Variants in PPIG observed in about 807,000 individuals in gnomAD.
The protein encoded by PPIG is peptidyl-prolyl cis-trans isomerase G.
Under a neutral mutation model 87.9 loss-of-function variants are expected in PPIG, and 26 were observed. The ratio of observed to expected loss-of-function variants is 0.30; its 90% confidence interval spans 0.22 to 0.41. The LOEUF (loss-of-function observed/expected upper bound fraction) is 0.41, where lower values mean the gene tolerates loss of function less well. Ranked by LOEUF, PPIG falls within the 10% of genes least tolerant of loss-of-function variation. The pLI, the probability that PPIG is intolerant of heterozygous loss-of-function variation, is 1.00. For synonymous variants in PPIG, 308 were observed against 276.5 expected, an observed-to-expected ratio of 1.11 and a Z score of -1.13; for missense variants, 722 against 879.4, an observed-to-expected ratio of 0.82 and a Z score of 2.26.
In PPIG at chr2:169,639,546, T is replaced by A. The variant is rs1016642238; in HGVS notation, c.*2023T>A. 6.6e-6 allele frequency: 1 copy of A among 151,972 alleles called. No individual in the cohort carries two copies. Among genetic ancestry groups the A allele is most frequent in the African/African-American group, 2.4e-5 (1 of 41,398 alleles). 9.4% of individuals were successfully genotyped at this position (151,972 alleles called of 1,614,324 possible). A position where few individuals can be genotyped will look rare whatever the true frequency, so the allele number is the denominator to read the frequency against. Reference sequence around the variant, plus strand: ...CAAAAAGTAACCATAGGGAAAAAAATTGTAGTAATTTCTATAGGCAATATT... The same window carrying A: ...CAAAAAGTAACCATAGGGAAAAAAAATGTAGTAATTTCTATAGGCAATATT... On this transcript the variant is annotated 3_prime_UTR_variant, in exon 14 of 14. Coordinates refer to ENST00000260970, the MANE Select transcript of PPIG (RefSeq NM_004792.3).
chr2:169,608,595 A>C, intron 6 of PPIG, 76 bp from the exon 7 acceptor site: 1 of 817,446 alleles, frequency 1.2e-6, no homozygotes, highest in East Asian at 2.6e-5. Flanking sequence ...AATACATCAG[A>C]TATGAATAGA....
intron 9 of PPIG, among the ~76,000 whole-genome samples, chr2:169,625,699 C>T (rs1685865219): frequency 6.6e-6 from 1 of 152,058 alleles, no homozygotes. Context: ...CTGCTATTTC[C>T]TTTCTCTTTG....
intron 1 of PPIG, among the ~76,000 whole-genome samples, chr2:169,598,513 G>A (rs1368466170): frequency 6.6e-6 from 1 of 151,904 alleles, no homozygotes; most frequent in East Asian, 1.9e-4. Context: ...GGATGGTCTC[G>A]ATCTCCTGAC....
intron 9 of PPIG, among the ~76,000 whole-genome samples, chr2:169,621,432 A>G (rs1015996371): frequency 6.6e-6 from 1 of 152,194 alleles, no homozygotes; most frequent in Admixed American, 6.5e-5. Flanking sequence ...TTCTTGATGT[A>G]CATGAGACTG....
At chr2:169,634,060 C>A (rs1321845997) in intron 12 of PPIG, among the ~76,000 whole-genome samples, 1 of 151,926 alleles carries the variant, frequency 6.6e-6, no homozygotes, top group Non-Finnish European at 1.5e-5. Context: ...AAACTCCTGA[C>A]CTCAGGTGAT....
chr2:169,614,699 T>C lies in PPIG; in HGVS notation c.522T>C (p.Cys174=), dbSNP rs771650653. ...TTGCGGAGGTACGGATACTCAGTTG[T>C]GGAGAGCTGATTCCCAAATCTAAAG... ...KPFAEVRILS[C]GELIPKSKVK... is the part of the protein sequence containing the mutation. The change falls in exon 9 of 14, where the codon TGT becomes TGC. Residue 174 remains cysteine, a synonymous_variant. Transcript: ENST00000260970. 1.2e-6 allele frequency: 2 copies of C among 1,604,102 alleles called. No homozygotes were observed. The highest frequency in any genetic ancestry group is 1.3e-5 in the African/African-American group (1 of 74,544).
chr2:169,610,229 T>A (rs1379238319), intron 7 of PPIG, among the ~76,000 whole-genome samples: 2 of 152,226 alleles, frequency 1.3e-5, no homozygotes, highest in African/African-American at 2.4e-5. Context: ...AACATTTCTG[T>A]TCTTTATTGA....
intron 1 of PPIG, among the ~76,000 whole-genome samples, chr2:169,598,210 G>C (rs1317043846): frequency 2.0e-5 from 3 of 152,082 alleles, no homozygotes; most frequent in Non-Finnish European, 4.4e-5. Flanking sequence ...TGTTGCCCAG[G>C]CTGGTCTCAA....
Position 169,630,929 on chromosome 2 carries a change from C to G in PPIG, c.703C>G (p.Arg235Gly), listed in dbSNP as rs781088014. Residue 235 changes from arginine to glycine, a missense_variant, in exon 10 of 14, where the codon CGG becomes GGG. Physicochemically the swap from Arg to Gly is moderately radical, Grantham distance 125 (BLOSUM62 -2). Around this residue, in one of 4 missense-constraint regions of PPIG, gnomAD observed 142 missense variants for 152.8 expected, o/e 0.93. Coordinates refer to ENST00000260970, the MANE Select transcript of PPIG (RefSeq NM_004792.3). ...ATCAAAGAAAAGAAAAAAGAAACAT[C>G]GGAAAAATTCCCGAAAACACAAGAA... is the stretch of plus-strand genomic sequence containing the variant. ...EKSKKRKKKH[R>G]KNSRKHKKEK... 31 of 1,599,566 alleles carry G rather than the reference C, an allele frequency of 1.9e-5. No individual in the cohort carries two copies. Among genetic ancestry groups the G allele is most frequent in the Non-Finnish European group, 2.6e-5 (31 of 1,176,726 alleles).
rs569966101 is a variant in PPIG, at chr2:169,620,793, T to C, written c.547+6069T>C. The stretch of plus-strand genomic sequence containing the variant: ...TATTTGAAATATGTGGCTGATACTA[T>C]TTTATTACAGATAATGGGCTTGACA... On this transcript the variant is annotated intron_variant, in intron 9 of 13. Transcript: ENST00000260970. 5.3e-5 allele frequency among the ~76,000 whole-genome samples: 8 copies of C among 152,286 alleles called. No homozygotes were observed. In the South Asian group the frequency reaches 8.3e-4, roughly 16 times the overall value.
intron 1 of PPIG, among the ~76,000 whole-genome samples, chr2:169,592,765 A>G (rs1292740519): frequency 2.6e-5 from 4 of 152,304 alleles, no homozygotes; most frequent in African/African-American, 9.6e-5. Context: ...CGAGGAAATC[A>G]TAATTATAGA....
rs1213832435 is a variant in PPIG at position 169,639,946 on chromosome 2, C to A, written c.*2423C>A. 2 of 152,026 alleles carry A rather than the reference C, an allele frequency of 1.3e-5. No individual in the cohort carries two copies. The highest frequency in any genetic ancestry group is 2.9e-5 in the Non-Finnish European group (2 of 67,978). 9.4% of individuals were successfully genotyped at this position (152,026 alleles called of 1,614,324 possible). On this transcript the variant is annotated 3_prime_UTR_variant, in exon 14 of 14. Transcript: ENST00000260970. ...TGTCAAAGTATTTTTGACTTAATAT[C>A]CTTTTAAAAATATTTAAACTGATTT...
rs189298103 is a variant in PPIG at position 169,637,386 on chromosome 2, G to C, written c.2128G>C (p.Glu710Gln). The change falls in exon 14 of 14, where the codon GAG becomes CAG. Residue 710 changes from glutamate to glutamine, a missense_variant. This residue lies in a region of PPIG where 476 missense variants were observed against 483.1 expected (regional missense o/e 0.99). Coordinates refer to ENST00000260970, the MANE Select transcript of PPIG (RefSeq NM_004792.3). The stretch of plus-strand genomic sequence containing the variant: ...AAAGTCCTCCATGTTGAAAAATAAG[G>C]AGGATGAGAAGATCAGATCCTCAGT... ...ELKSSMLKNK[E>Q]DEKIRSSVEK... 18 of 1,612,724 alleles carry C rather than the reference G, an allele frequency of 1.1e-5. No individual in the cohort carries two copies. In the Admixed American group the frequency reaches 2.3e-4, roughly 21 times the overall value.
chr2:169,594,502 C>A (rs1056055947), intron 1 of PPIG, among the ~76,000 whole-genome samples: 7 of 152,038 alleles, frequency 4.6e-5, no homozygotes, highest in East Asian at 3.9e-4. Context: ...CTTACTGATA[C>A]GTGTGAAATT....
chr2:169,618,487 C>CT (rs1558895994), intron 9 of PPIG, among the ~76,000 whole-genome samples: 2 of 152,000 alleles, frequency 1.3e-5, no homozygotes, highest in Non-Finnish European at 1.5e-5. Flanking sequence ...TGGTCCTGGG[C>CT]TTTTTTTGGT....
chr2:169,584,589 G>T (rs1007806035), intron 1 of PPIG, 99 bp downstream of exon 1: 1 of 448,586 alleles, frequency 2.2e-6, no homozygotes, highest in Non-Finnish European at 4.5e-6. Flanking sequence ...GAGCCGGCGC[G>T]GCTGACCGGG....
rs765237249 is a variant in PPIG, at chr2:169,639,688, T to A, written c.*2165T>A. On this transcript the variant is annotated 3_prime_UTR_variant, in exon 14 of 14. Coordinates refer to ENST00000260970, the MANE Select transcript of PPIG (RefSeq NM_004792.3). ...TGAAGGAGTTGAGAGGACAATCAAC[T>A]AGATTTTATTTTTAGAATATAAAGA... 6.6e-6 allele frequency: 1 copy of A among 152,152 alleles called. No homozygotes were observed. Among genetic ancestry groups the A allele is most frequent in the Non-Finnish European group, 1.5e-5 (1 of 67,988 alleles). 9.4% of individuals were successfully genotyped at this position (152,152 alleles called of 1,614,324 possible).
intron 1 of PPIG, among the ~76,000 whole-genome samples, chr2:169,587,311 G>A (rs58209658): frequency 4.1e-4 from 61 of 150,272 alleles, no homozygotes; most frequent in African/African-American, 1.4e-3. Flanking sequence ...GCGTGATCTC[G>A]GCTCACTGCA....
At chr2:169,592,396 C>T (rs1362522584) in intron 1 of PPIG, among the ~76,000 whole-genome samples, 2 of 149,130 alleles carry the variant, frequency 1.3e-5, no homozygotes, top group African/African-American at 4.9e-5. Flanking sequence ...GCTCCGCCTC[C>T]CGGGTTCACG....
Sources: allele counts gnomAD v4.1 joint callset (sites outside exome capture counted in the v4.1 genomes callset), GRCh38; gene constraint gnomAD v4.1.1; regional missense constraint gnomAD v4.1.1; transcripts MANE v1.5; gene names NCBI Gene and HGNC (gene_info 2026-07-23, HGNC 2026-07-21).